Variants in SRRM4 observed in about 807,000 individuals in gnomAD.
SRRM4 encodes serine/arginine repetitive matrix 4.
A neutral mutation model predicts 68.9 loss-of-function variants in SRRM4; 33 were observed. The ratio of observed to expected loss-of-function variants is 0.48; its 90% CI spans 0.36 to 0.64. The LOEUF (loss-of-function observed/expected upper bound fraction) is 0.64. Ranked by LOEUF, SRRM4 falls within the 30% of genes least tolerant of loss-of-function variation. SRRM4 has a pLI of 0.00. For missense variants in SRRM4, 817 were observed against 827.1 expected (o/e 0.99, Z 0.15); for synonymous variants, 318 against 318.8 (o/e 1.00, Z 0.03).
chr12:119,004,751 A>G (rs941276859), intron 1 of SRRM4, among the ~76,000 whole-genome samples: 1 of 151,968 alleles, frequency 6.6e-6, no homozygotes, highest in Non-Finnish European at 1.5e-5. Context: ...GAGGACAAGC[A>G]CTGAGAAGGC....
At chr12:119,031,251 C>A (rs1289985818) in intron 1 of SRRM4, 1 of 152,228 alleles carries the variant, frequency 6.6e-6, no homozygotes, top group Admixed American at 6.5e-5. Flanking sequence ...TAATCTGAGA[C>A]CTCCCCCAGT....
At chr12:119,079,891 T>TTG (rs1555217499) in intron 1 of SRRM4, among the ~76,000 whole-genome samples, 1 of 3,062 alleles carries the variant, frequency 3.3e-4, no homozygotes, top group Non-Finnish European at 1.1e-3. Flanking sequence ...TATTCTGAAG[T>TTG]TTTTTTTTTC....
At chr12:119,108,726 G>C (rs955388346) in intron 2 of SRRM4, among the ~76,000 whole-genome samples, 5 of 151,952 alleles carry the variant, frequency 3.3e-5, no homozygotes, top group African/African-American at 1.2e-4. Flanking sequence ...CTGCAGGTGA[G>C]ATGGGTCTCT....
At chr12:119,129,471 A>G (rs1954280366) in intron 7 of SRRM4, among the ~76,000 whole-genome samples, 1 of 152,150 alleles carries the variant, frequency 6.6e-6, no homozygotes, top group South Asian at 2.1e-4. Context: ...AGTCAACAGG[A>G]TGTCTTTATT....
intron 1 of SRRM4, among the ~76,000 whole-genome samples, chr12:119,083,336 AAT>A (rs777930886): frequency 1.6e-4 from 24 of 151,918 alleles, no homozygotes; most frequent in Non-Finnish European, 2.8e-4. Context: ...TTCAGATTTT[AAT>A]ATAGGCATCA....
Position 119,161,981 on chromosome 12 carries a change from A to G in SRRM4, c.*5183A>G, listed in dbSNP as rs1954517331. The G allele has an allele frequency of 6.6e-6, 1 of 152,282 alleles. No homozygotes were observed. The highest frequency in any genetic ancestry group is 2.1e-4 in the South Asian group (1 of 4,820). 9.4% of individuals were successfully genotyped at this position (152,282 alleles called of 1,614,324 possible). ...AACGAGCCAAGCCAAAAAGACTGCA[A>G]TGGTATTCCTATGTGTTTCTTTGGC... On this transcript the variant is annotated 3_prime_UTR_variant, in exon 13 of 13. Transcript: ENST00000267260.
At position 119,157,924 on chromosome 12, in the gene SRRM4, G is replaced by T. The variant is rs1954484462; in HGVS notation, c.*1126G>T. 1.3e-5 allele frequency: 2 copies of T among 152,784 alleles called. No individual in the cohort carries two copies. Among genetic ancestry groups the T allele is most frequent in the Non-Finnish European group, 2.9e-5 (2 of 68,294 alleles). The allele number at this position is 152,784 out of a possible 1,614,324, so 9.5% of individuals were successfully genotyped here. A position where few individuals can be genotyped will look rare whatever the true frequency, so the allele number is the denominator to read the frequency against. ...GGATGGGGCACAGCAGCTCAGGTTT[G>T]GGGGAAAAGACCCGAATCCAGAGTG... On this transcript the variant is annotated 3_prime_UTR_variant, in exon 13 of 13. Transcript: ENST00000267260. This position sits in a 1 kb window ranked among gnomAD's most constrained non-coding sequence, Gnocchi z 4.1.
chr12:119,030,407 C>CAACAAGGGACAGTGTTCTA (rs1325659260), intron 1 of SRRM4, among the ~76,000 whole-genome samples: 1 of 152,122 alleles, frequency 6.6e-6, no homozygotes, highest in Non-Finnish European at 1.5e-5. Flanking sequence ...GATTTGTGAG[C>CAACAAGGGACAGTGTTCTA]AACAAGGGAC....
At chr12:119,078,314 C>T (rs1016462052) in intron 1 of SRRM4, among the ~76,000 whole-genome samples, 1 of 152,198 alleles carries the variant, frequency 6.6e-6, no homozygotes, top group African/African-American at 2.4e-5. Flanking sequence ...AGAGATACCA[C>T]CTTAGTCAGC....
At chr12:119,056,049 C>A (rs1294269935) in intron 1 of SRRM4, among the ~76,000 whole-genome samples, 1 of 152,320 alleles carries the variant, frequency 6.6e-6, no homozygotes, top group African/African-American at 2.4e-5. Context: ...GCTGTGTACA[C>A]CCTGGCTACA....
intron 1 of SRRM4, among the ~76,000 whole-genome samples, chr12:118,991,061 T>G (rs1953313549): frequency 6.6e-6 from 1 of 152,186 alleles, no homozygotes; most frequent in African/African-American, 2.4e-5. Context: ...CTCCTCGGCC[T>G]TCCAAAGTAC....
chr12:119,091,770 G>T (rs1954015835), intron 1 of SRRM4, among the ~76,000 whole-genome samples: 1 of 152,152 alleles, frequency 6.6e-6, no homozygotes. Context: ...TAGTAACTCT[G>T]TCCCCTCTGT....
chr12:119,018,234 G>A (rs2136000409), intron 1 of SRRM4, among the ~76,000 whole-genome samples: 1 of 152,342 alleles, frequency 6.6e-6, no homozygotes, highest in African/African-American at 2.4e-5. Flanking sequence ...AAAAGTCTAT[G>A]AGGATAGATT....
chr12:119,137,634 G>GAGAGAGAGGA (rs1954339285), intron 8 of SRRM4, among the ~76,000 whole-genome samples: 2 of 134,728 alleles, frequency 1.5e-5, no homozygotes, highest in African/African-American at 5.6e-5. Context: ...GAGAGAGAGA[G>GAGAGAGAGGA]GAGATACTGG....
intron 1 of SRRM4, among the ~76,000 whole-genome samples, chr12:119,060,663 C>A (rs769057121): frequency 6.6e-6 from 1 of 151,844 alleles, no homozygotes; most frequent in Non-Finnish European, 1.5e-5. Context: ...GAATGAGGCC[C>A]GGGACTTCAA....
At chr12:119,090,763 T>C (rs1027169656) in intron 1 of SRRM4, among the ~76,000 whole-genome samples, 3 of 152,156 alleles carry the variant, frequency 2.0e-5, no homozygotes, top group Non-Finnish European at 2.9e-5. Flanking sequence ...TTCTCCAGGC[T>C]TGGACTCAAT....
intron 1 of SRRM4, among the ~76,000 whole-genome samples, chr12:119,020,749 G>A (rs1419873650): frequency 6.6e-6 from 1 of 152,324 alleles, no homozygotes; most frequent in East Asian, 1.9e-4. Context: ...GTAATTACAA[G>A]AGGGGCTGGC....
At chr12:119,008,291 G>A (rs940099734) in intron 1 of SRRM4, among the ~76,000 whole-genome samples, 1 of 150,912 alleles carries the variant, frequency 6.6e-6, no homozygotes, top group Admixed American at 6.6e-5. Flanking sequence ...TTGGGAGACT[G>A]AATCCAGGAA....
At chr12:118,996,372 C>T (rs896824169) in intron 1 of SRRM4, among the ~76,000 whole-genome samples, 3 of 152,110 alleles carry the variant, frequency 2.0e-5, no homozygotes, top group African/African-American at 7.2e-5. Flanking sequence ...TGCTATGACC[C>T]TTTTTCACTT....
Sources: gnomAD v4.1 joint callset for allele counts (sites outside exome capture counted in the v4.1 genomes callset) on GRCh38, gnomAD v4.1.1 for gene constraint, Gnocchi (gnomAD v3.1) non-coding constraint, MANE v1.5 for transcripts, NCBI Gene and HGNC (gene_info 2026-07-23, HGNC 2026-07-21) for gene names.